Variants in NAPG observed in about 807,000 individuals in gnomAD.
The protein encoded by NAPG is NSF attachment protein gamma, also known as gamma-soluble NSF attachment protein.
A neutral mutation model predicts 48.4 loss-of-function variants in NAPG; 25 were observed. The ratio of observed to expected loss-of-function variants is 0.52; its 90% CI spans 0.38 to 0.72. The LOEUF is 0.72. Among genes scored for constraint, NAPG ranks in the 30% least tolerant of loss-of-function variants. NAPG has a pLI of 0.00. For missense variants in NAPG, 359 were observed against 372.5 expected, an observed-to-expected ratio of 0.96 and a Z score of 0.30; for synonymous variants, 139 against 127.2, an observed-to-expected ratio of 1.09 and a Z score of -0.62.
Position 10,552,527 on chromosome 18 carries a change from G to C in NAPG, c.*2307G>C, listed in dbSNP as rs533029974. ...CCAAAGTGGAAGTTTGCATGAATATGCTCAGAATCTAATATTCAATGTTCT... is the reference window on the plus strand; with the variant it reads ...CCAAAGTGGAAGTTTGCATGAATATCCTCAGAATCTAATATTCAATGTTCT... On this transcript the variant is annotated 3_prime_UTR_variant, in exon 12 of 12. Coordinates refer to ENST00000322897, the MANE Select transcript of NAPG (RefSeq NM_003826.3). 5.9e-5 allele frequency: 9 copies of C among 152,338 alleles called. No individual in the cohort carries two copies. Among genetic ancestry groups the C allele is most frequent in the African/African-American group, 2.2e-4 (9 of 41,582 alleles). The allele number at this position is 152,338 out of a possible 1,614,324, so 9.4% of individuals were successfully genotyped here. A position where few individuals can be genotyped will look rare whatever the true frequency, so the allele number is the denominator to read the frequency against.
At chr18:10,537,436 G>T (rs568090192) in intron 5 of NAPG, among the ~76,000 whole-genome samples, 1 of 152,172 alleles carries the variant, frequency 6.6e-6, no homozygotes, top group East Asian at 1.9e-4. Flanking sequence ...GCATCATAGG[G>T]CTCTTCATCC....
chr18:10,551,550 A>C lies in NAPG; in HGVS notation c.*1330A>C, dbSNP rs1598414462. 1.3e-5 allele frequency: 2 copies of C among 152,250 alleles called. No homozygotes were observed. Among genetic ancestry groups the C allele is most frequent in the Middle Eastern group, 6.8e-3 (2 of 294 alleles). 9.4% of individuals were successfully genotyped at this position (152,250 alleles called of 1,614,324 possible). ...GCTTAGACCCATCTCGTAATCTGTTAATTGGAAAGAGGCTACAGACACCAG... is the reference window on the plus strand; with the variant it reads ...GCTTAGACCCATCTCGTAATCTGTTCATTGGAAAGAGGCTACAGACACCAG... On this transcript the variant is annotated 3_prime_UTR_variant, in exon 12 of 12. Coordinates refer to ENST00000322897, the MANE Select transcript of NAPG (RefSeq NM_003826.3).
At position 10,539,154 on chromosome 18, in the gene NAPG, A is replaced by G. The variant is rs1338222871; in HGVS notation, c.259-608A>G. The G allele has an allele frequency of 6.6e-6, 1 of 152,312 alleles. No individual in the cohort carries two copies. Among genetic ancestry groups the G allele is most frequent in the East Asian group, 1.9e-4 (1 of 5,204 alleles). The allele number at this position is 152,312 out of a possible 1,614,324, so 9.4% of individuals were successfully genotyped here. A position where few individuals can be genotyped will look rare whatever the true frequency, so the allele number is the denominator to read the frequency against. ...ACCCAGCAATCCCATTACTGGGCAT[A>G]TGCCCAAAGGAACATAAATCATTCT... is the stretch of plus-strand genomic sequence containing the variant. On this transcript the variant is annotated intron_variant, in intron 5 of 11. Coordinates refer to ENST00000322897, the MANE Select transcript of NAPG (RefSeq NM_003826.3). The surrounding 1 kb of genome is among the most constrained non-coding windows in gnomAD (Gnocchi z 4.7).
At chr18:10,540,179 C>T (rs1045624279) in intron 7 of NAPG, 125 bp downstream of exon 7, 8 of 1,065,466 alleles carry the variant, frequency 7.5e-6, no homozygotes, top group Non-Finnish European at 1.1e-5. Context: ...CACGCTATTT[C>T]TTTTCTGTTA....
Position 10,530,188 on chromosome 18 carries a change from CTTTTTTTTTTTT to C in NAPG, c.57-564_57-553del, listed in dbSNP as rs58597079. ...CTTGTTTATGGGTGGCGAGTTTTCACTTTTTTTTTTTTTTTTTTTTTTTTTTTTTGCCTACTT... is the reference window on the plus strand; with the variant it reads ...CTTGTTTATGGGTGGCGAGTTTTCACTTTTTTTTTTTTTTTTTGCCTACTT... On this transcript the variant is annotated intron_variant, in intron 1 of 11. Transcript: ENST00000322897. 7.9e-4 allele frequency among the ~76,000 whole-genome samples: 53 copies of C among 67,322 alleles called. 1 individual carries two copies. The highest frequency in any genetic ancestry group is 2.0e-3 in the African/African-American group (36 of 18,098). The allele number at this position is 67,322 out of a possible 152,430, so 44.2% of individuals were successfully genotyped here.
chr18:10,527,199 A>AG lies in NAPG; in HGVS notation c.56+1041_56+1042insG, dbSNP rs550015514. Among the ~76,000 whole-genome samples the AG allele has an allele frequency of 1.3e-3, 197 of 151,036 alleles. 4 individuals are homozygous for AG. The South Asian group carries it at 0.028, about 21-fold the overall frequency. On this transcript the variant is annotated intron_variant, in intron 1 of 11. Coordinates refer to ENST00000322897, the MANE Select transcript of NAPG (RefSeq NM_003826.3). ...CGAGACTCCGTCTCAAAAAAAAAAA[A>AG]AAAAAAGAAAAGAAAAAGTCAGCAT...
Position 10,526,108 on chromosome 18 carries a change from G to A in NAPG, c.6G>A (p.Ala2=). The A allele has an allele frequency of 6.2e-7, 1 of 1,613,692 alleles. No individual in the cohort carries two copies. Among genetic ancestry groups the A allele is most frequent in the South Asian group, 1.1e-5 (1 of 91,070 alleles). Residue 2 remains alanine, a synonymous_variant, in exon 1 of 12, where the codon GCG becomes GCA. Coordinates refer to ENST00000322897, the MANE Select transcript of NAPG (RefSeq NM_003826.3). Reference sequence around the variant, plus strand: ...TCAGAGACCTGACTGTGGAGATGGCGGCTCAGAAGATAAACGAGGGGCTGG... The same window carrying A: ...TCAGAGACCTGACTGTGGAGATGGCAGCTCAGAAGATAAACGAGGGGCTGG... M[A]AQKINEGLEH... is the part of the protein sequence containing the mutation.
chr18:10,530,323 T>C (rs974979268), intron 1 of NAPG, among the ~76,000 whole-genome samples: 2 of 151,860 alleles, frequency 1.3e-5, no homozygotes, highest in East Asian at 1.9e-4. Flanking sequence ...TCTTGACATA[T>C]GCTTATGATG....
Position 10,544,802 on chromosome 18 carries a change from A to G in NAPG, c.507-1524A>G, listed in dbSNP as rs16974816. Among the ~76,000 whole-genome samples, 5,789 of 152,288 alleles carry G rather than the reference A, an allele frequency of 0.038. 303 individuals are homozygous for G. The highest frequency in any genetic ancestry group is 0.12 in the African/African-American group (5,117 of 41,548). The stretch of plus-strand genomic sequence containing the variant: ...AATTCTGCTACCAAACCCAGCTTAT[A>G]AATTGACTTTGTTCCAAAAATTTAT... On this transcript the variant is annotated intron_variant, in intron 8 of 11. Coordinates refer to ENST00000322897, the MANE Select transcript of NAPG (RefSeq NM_003826.3). The surrounding 1 kb of genome is among the most constrained non-coding windows in gnomAD (Gnocchi z 5.1).
At position 10,548,420 on chromosome 18, in the gene NAPG, C is replaced by G. The variant is rs2032313650; in HGVS notation, c.665+42C>G. 3 of 1,469,074 alleles carry G rather than the reference C, an allele frequency of 2.0e-6. No homozygotes were observed. In the South Asian group the frequency reaches 3.4e-5, roughly 17 times the overall value. 91.0% of individuals were successfully genotyped at this position (1,469,074 alleles called of 1,614,324 possible). A position where few individuals can be genotyped will look rare whatever the true frequency, so the allele number is the denominator to read the frequency against. ...GCCCTCTTGACTTGCAGTGGCGACACCTCTGTGTCTACAACTAAGATTGCT... is the reference window on the plus strand; with the variant it reads ...GCCCTCTTGACTTGCAGTGGCGACAGCTCTGTGTCTACAACTAAGATTGCT... On this transcript the variant is annotated intron_variant, in intron 10 of 11. Coordinates refer to ENST00000322897, the MANE Select transcript of NAPG (RefSeq NM_003826.3). The surrounding 1 kb of genome is among the most constrained non-coding windows in gnomAD (Gnocchi z 4.4).
chr18:10,549,993 C>T, intron 11 of NAPG, 84 bp from the exon 12 acceptor site: 1 of 1,387,120 alleles, frequency 7.2e-7, no homozygotes, highest in Non-Finnish European at 9.4e-7. Context: ...GGGTGGGGAG[C>T]CAGGCTGTGT....
chr18:10,535,965 GTCT>G (rs1298781111), intron 5 of NAPG, among the ~76,000 whole-genome samples: 5 of 152,146 alleles, frequency 3.3e-5, no homozygotes, highest in African/African-American at 1.2e-4. Context: ...ATCTGCTCTG[GTCT>G]TCTTATGTCT....
At chr18:10,530,522 G>C (rs753417908) in intron 1 of NAPG, among the ~76,000 whole-genome samples, 1 of 152,058 alleles carries the variant, frequency 6.6e-6, no homozygotes, top group Non-Finnish European at 1.5e-5. Flanking sequence ...TGCTGATGGT[G>C]CTGGTCCAGG....
intron 1 of NAPG, 80 bp downstream of exon 1, chr18:10,526,238 G>T: frequency 1.2e-6 from 1 of 858,070 alleles, no homozygotes; most frequent in Admixed American, 1.9e-5. Flanking sequence ...CCCGGGGGGG[G>T]CGGGAGGGAG....
intron 5 of NAPG, among the ~76,000 whole-genome samples, chr18:10,537,116 C>A (rs1209673582): frequency 1.3e-5 from 2 of 151,998 alleles, no homozygotes. Flanking sequence ...GTCACCATGC[C>A]CTGCTAATTT....
At chr18:10,545,173 G>A (rs1473534869) in intron 8 of NAPG, among the ~76,000 whole-genome samples, 2 of 152,032 alleles carry the variant, frequency 1.3e-5, no homozygotes, top group African/African-American at 4.8e-5. Flanking sequence ...TTAGCTGGGC[G>A]TGGTGGTGGG....
At chr18:10,537,529 G>A (rs150868604) in intron 5 of NAPG, among the ~76,000 whole-genome samples, 122 of 152,236 alleles carry the variant, frequency 8.0e-4, no homozygotes, top group African/African-American at 2.8e-3. Context: ...GTCTCAGGTG[G>A]CAGAGGAGCA....
rs2143149278 is a variant in NAPG, at chr18:10,548,242, G to A, written c.586-57G>A. On this transcript the variant is annotated intron_variant, in intron 9 of 11. Transcript: ENST00000322897. The surrounding 1 kb of genome is among the most constrained non-coding windows in gnomAD (Gnocchi z 4.4). ...CTCCAGGTGTTTTCAATACTGCCAG[G>A]TTATTGACTTTATTAAACAGATGTA... is the stretch of plus-strand genomic sequence containing the variant. 1 of 1,289,922 alleles carries A rather than the reference G, an allele frequency of 7.8e-7. No individual in the cohort carries two copies. Among genetic ancestry groups the A allele is most frequent in the East Asian group, 2.3e-5 (1 of 43,328 alleles). 79.9% of individuals were successfully genotyped at this position (1,289,922 alleles called of 1,614,324 possible). A position where few individuals can be genotyped will look rare whatever the true frequency, so the allele number is the denominator to read the frequency against.
At chr18:10,527,767 C>T (rs1446661779) in intron 1 of NAPG, among the ~76,000 whole-genome samples, 1 of 152,150 alleles carries the variant, frequency 6.6e-6, no homozygotes, top group Non-Finnish European at 1.5e-5. Flanking sequence ...GTAGTGTAGT[C>T]ACAGTGCCAG....
Sources: gnomAD v4.1 joint callset for allele counts (sites outside exome capture counted in the v4.1 genomes callset) on GRCh38, gnomAD v4.1.1 for gene constraint, Gnocchi (gnomAD v3.1) non-coding constraint, MANE v1.5 for transcripts, NCBI Gene and HGNC (gene_info 2026-07-23, HGNC 2026-07-21) for gene names.